Variants in MEIS1 observed in about 807,000 individuals in gnomAD.
The protein encoded by MEIS1 is homeobox protein Meis1.
In MEIS1, 5 loss-of-function variants were observed where a neutral mutation model predicts 50.8. That is an observed-to-expected ratio of 0.10 (90% confidence interval 0.05 to 0.21). MEIS1 has a LOEUF of 0.21. Among genes scored for constraint, MEIS1 ranks in the 10% least tolerant of loss-of-function variants. The pLI, the probability that MEIS1 is intolerant of heterozygous loss-of-function variation, is 1.00. For synonymous variants in MEIS1, 176 were observed against 179.3 expected (o/e 0.98, Z 0.15); for missense variants, 318 against 517.3 (o/e 0.61, Z 3.74).
At chr2:66,470,719 G>A (rs191393268) in intron 7 of MEIS1, among the ~76,000 whole-genome samples, 2 of 152,268 alleles carry the variant, frequency 1.3e-5, no homozygotes, top group East Asian at 3.9e-4. Context: ...ACCGAAAAGT[G>A]CATTTGAAAT....
At chr2:66,454,296 G>C (rs912999479) in intron 6 of MEIS1, among the ~76,000 whole-genome samples, 2 of 152,018 alleles carry the variant, frequency 1.3e-5, no homozygotes, top group African/African-American at 4.8e-5. Context: ...TTGTTTTATA[G>C]AGTATTTTAT....
intron 8 of MEIS1, among the ~76,000 whole-genome samples, chr2:66,544,633 T>TA (rs1163364113): frequency 3.3e-5 from 5 of 152,002 alleles, no homozygotes; most frequent in African/African-American, 1.2e-4. Flanking sequence ...TCATTTGTAT[T>TA]AAAAAAATAT....
At chr2:66,496,815 T>G (rs1381199709) in intron 7 of MEIS1, among the ~76,000 whole-genome samples, 4 of 152,210 alleles carry the variant, frequency 2.6e-5, no homozygotes, top group African/African-American at 9.6e-5. Context: ...CGTTCTCGTT[T>G]TTTTTTGTTT....
In MEIS1 at chr2:66,441,268, G is replaced by A. The variant is rs13390639; in HGVS notation, c.433-146G>A. 2,147 of 606,066 alleles carry A rather than the reference G, an allele frequency of 3.5e-3. 41 individuals carry two copies. The African/African-American group carries it at 0.039, about 11-fold the overall frequency. 37.5% of individuals were successfully genotyped at this position (606,066 alleles called of 1,614,324 possible). ...ATAAACCTCTAGATGGTACCCAGTT[G>A]CTGCTATTAAGTTTTAGTGTTATTG... On this transcript the variant is annotated intron_variant, in intron 4 of 12. Coordinates refer to ENST00000272369, the MANE Select transcript of MEIS1 (RefSeq NM_002398.3).
chr2:66,569,470 G>A (rs934495086), intron 12 of MEIS1: 20 of 174,378 alleles, frequency 1.1e-4, no homozygotes, highest in Non-Finnish European at 1.9e-4. Context: ...GCAGTGCAAG[G>A]AGAGGGAAGA....
In MEIS1 at chr2:66,512,020, A is replaced by T. The variant is rs974020960; in HGVS notation, c.743-129A>T. 8 of 1,114,546 alleles carry T rather than the reference A, an allele frequency of 7.2e-6. No individual in the cohort carries two copies. In the African/African-American group the frequency reaches 1.1e-4, roughly 16 times the overall value. The allele number at this position is 1,114,546 out of a possible 1,614,324, so 69.0% of individuals were successfully genotyped here. On this transcript the variant is annotated intron_variant, in intron 7 of 12. Transcript: ENST00000272369. ...TCTTGGAAAACAAAACACAACAAAAAAACAGTACCAAAGAAACTATTAATC... is the reference window on the plus strand; with the variant it reads ...TCTTGGAAAACAAAACACAACAAAATAACAGTACCAAAGAAACTATTAATC...
At chr2:66,530,609 G>T (rs529794743) in intron 8 of MEIS1, among the ~76,000 whole-genome samples, 1 of 152,072 alleles carries the variant, frequency 6.6e-6, no homozygotes, top group Non-Finnish European at 1.5e-5. Flanking sequence ...CCAGCTACTC[G>T]GGAGGCTGAG....
At chr2:66,498,929 G>T (rs1411948668) in intron 7 of MEIS1, among the ~76,000 whole-genome samples, 1 of 152,208 alleles carries the variant, frequency 6.6e-6, no homozygotes, top group Non-Finnish European at 1.5e-5. Context: ...GTATGCACAT[G>T]AAAGTTTGAG....
At chr2:66,554,579 C>A (rs1417883264) in intron 9 of MEIS1, among the ~76,000 whole-genome samples, 3 of 152,214 alleles carry the variant, frequency 2.0e-5, no homozygotes. Flanking sequence ...CAAAACATTT[C>A]ATCCCTCATC....
intron 8 of MEIS1, among the ~76,000 whole-genome samples, chr2:66,545,160 T>C (rs1354602895): frequency 6.6e-6 from 1 of 152,178 alleles, no homozygotes; most frequent in Non-Finnish European, 1.5e-5. Flanking sequence ...ACATAACTAA[T>C]AAGACAGGGC....
intron 11 of MEIS1, 84 bp from the exon 12 acceptor site, chr2:66,568,966 G>T: frequency 1.7e-6 from 2 of 1,143,384 alleles, no homozygotes; most frequent in African/African-American, 1.6e-5. Context: ...TCTAGATCCT[G>T]TTTTTTTTTT....
At chr2:66,522,865 T>C (rs1240418221) in intron 8 of MEIS1, among the ~76,000 whole-genome samples, 2 of 152,204 alleles carry the variant, frequency 1.3e-5, no homozygotes, top group African/African-American at 4.8e-5. Flanking sequence ...CACCAGCTCA[T>C]AAAGAAACCA....
At chr2:66,519,763 T>C (rs1674066755) in intron 8 of MEIS1, among the ~76,000 whole-genome samples, 1 of 152,192 alleles carries the variant, frequency 6.6e-6, no homozygotes, top group African/African-American at 2.4e-5. Flanking sequence ...AATTAGTTGG[T>C]ATTTAAATGA....
chr2:66,441,530 C>G (rs1432520992), intron 5 of MEIS1, 66 bp downstream of exon 5: 4 of 1,318,690 alleles, frequency 3.0e-6, no homozygotes, highest in Non-Finnish European at 4.1e-6. Flanking sequence ...GGGGAGGGTT[C>G]CGAATGGCTG....
At chr2:66,519,402 C>G (rs1463711359) in intron 8 of MEIS1, among the ~76,000 whole-genome samples, 1 of 152,032 alleles carries the variant, frequency 6.6e-6, no homozygotes, top group Non-Finnish European at 1.5e-5. Context: ...ATTGCTCACC[C>G]TTCCTTGTGC....
intron 9 of MEIS1, among the ~76,000 whole-genome samples, chr2:66,552,168 T>G (rs1274119812): frequency 6.6e-6 from 1 of 152,126 alleles, no homozygotes; most frequent in African/African-American, 2.4e-5. Flanking sequence ...ATCACACCAG[T>G]GTTGCGGACC....
chr2:66,448,796 AATGAAC>A (rs531854053), intron 6 of MEIS1, among the ~76,000 whole-genome samples: 85 of 152,164 alleles, frequency 5.6e-4, no homozygotes, highest in Non-Finnish European at 7.5e-4. Flanking sequence ...ATGATCAAAA[AATGAAC>A]ATGAAATAAG....
At chr2:66,473,143 C>T (rs1246776276) in intron 7 of MEIS1, among the ~76,000 whole-genome samples, 2 of 151,712 alleles carry the variant, frequency 1.3e-5, no homozygotes, top group Non-Finnish European at 2.9e-5. Context: ...CTTTGGGACG[C>T]CAAGGTGGGC....
chr2:66,507,259 C>T (rs567329362), intron 7 of MEIS1, among the ~76,000 whole-genome samples: 18 of 152,148 alleles, frequency 1.2e-4, no homozygotes, highest in African/African-American at 4.1e-4. Flanking sequence ...AGTCTAGGTA[C>T]GTTTTGGGAT....
Sources: allele counts gnomAD v4.1 joint callset (sites outside exome capture counted in the v4.1 genomes callset), GRCh38; gene constraint gnomAD v4.1.1; transcripts MANE v1.5; gene names NCBI Gene and HGNC (gene_info 2026-07-23, HGNC 2026-07-21).